ANTXR1: variants seen among roughly 807,000 people sequenced by gnomAD.
ANTXR1 encodes the protein anthrax toxin receptor 1.
ANTXR1 carries 19 observed loss-of-function variants against 78.1 expected under a neutral mutation model. That is an observed-to-expected ratio of 0.24 (90% confidence interval 0.17 to 0.36). The LOEUF (loss-of-function observed/expected upper bound fraction) is 0.36. ANTXR1 is among the 10% of genes least tolerant of loss of function. The pLI is 1.00. For synonymous variants in ANTXR1, 273 were observed against 260.5 expected (o/e 1.05, Z -0.46); for missense variants, 518 against 718.6 (o/e 0.72, Z 3.19).
At position 69,198,342 on chromosome 2, in the gene ANTXR1, C is replaced by T. The variant is rs1045721703; in HGVS notation, c.1434+4927C>T. Among the ~76,000 whole-genome samples the T allele has an allele frequency of 5.9e-5, 9 of 152,140 alleles. No individual in the cohort carries two copies. The South Asian group carries it at 8.3e-4, about 14-fold the overall frequency. On this transcript the variant is annotated intron_variant, in intron 17 of 17. Transcript: ENST00000303714. ...ATTTTTTATTATTACTGAGGTAGAA[C>T]GATTTTTTTAATGTTTATTTTCTCG...
chr2:69,231,780 A>G (rs945205092), intron 17 of ANTXR1, among the ~76,000 whole-genome samples: 22 of 152,160 alleles, frequency 1.4e-4, no homozygotes, highest in African/African-American at 5.3e-4. Flanking sequence ...AGGATTTCTT[A>G]CATGGAGGCT....
At chr2:69,045,706 GTCCCTATTTTT>G (rs1477450586) in intron 3 of ANTXR1, among the ~76,000 whole-genome samples, 1 of 152,132 alleles carries the variant, frequency 6.6e-6, no homozygotes, top group Non-Finnish European at 1.5e-5. Context: ...ACTTGAGCTA[GTCCCTATTTTT>G]TTTCCCATGA....
intron 12 of ANTXR1, among the ~76,000 whole-genome samples, chr2:69,148,130 C>T (rs1673278452): frequency 6.6e-6 from 1 of 152,170 alleles, no homozygotes. Flanking sequence ...GATCACGATG[C>T]CCCAGTGTCA....
chr2:69,087,822 A>G lies in ANTXR1; in HGVS notation c.643-3037A>G, dbSNP rs191362044. Among the ~76,000 whole-genome samples, 101 of 152,234 alleles carry G rather than the reference A, an allele frequency of 6.6e-4. No homozygotes were observed. In the East Asian group the frequency reaches 9.8e-3, roughly 15 times the overall value. On this transcript the variant is annotated intron_variant, in intron 8 of 17. Transcript: ENST00000303714. ...TCCCTGAGCTGATCTGCTGTCTGCTACAGTTCAGACAGGCTGATTACCATA... is the reference window on the plus strand; with the variant it reads ...TCCCTGAGCTGATCTGCTGTCTGCTGCAGTTCAGACAGGCTGATTACCATA...
chr2:69,099,594 C>T (rs1671544927), intron 9 of ANTXR1, among the ~76,000 whole-genome samples: 1 of 152,208 alleles, frequency 6.6e-6, no homozygotes, highest in African/African-American at 2.4e-5. Flanking sequence ...TCTTCACCAG[C>T]AGATGCCATT....
chr2:69,068,748 C>G (rs1279806226), intron 3 of ANTXR1, among the ~76,000 whole-genome samples: 2 of 152,078 alleles, frequency 1.3e-5, no homozygotes, highest in Non-Finnish European at 2.9e-5. Flanking sequence ...TTCTTGCAGC[C>G]TTATGGAGAA....
chr2:69,168,768 A>G (rs969446638), intron 13 of ANTXR1, among the ~76,000 whole-genome samples: 2 of 152,336 alleles, frequency 1.3e-5, no homozygotes, highest in South Asian at 4.1e-4. Context: ...AGGAACTCTG[A>G]GCCAGGGTTG....
intron 1 of ANTXR1, among the ~76,000 whole-genome samples, chr2:69,021,326 AAAT>A (rs1435013769): frequency 3.3e-5 from 5 of 152,236 alleles, no homozygotes; most frequent in Admixed American, 6.5e-5. Flanking sequence ...AAAAGAATCT[AAAT>A]ATGCAAAAGA....
At chr2:69,118,633 C>T (rs1161629366) in intron 10 of ANTXR1, among the ~76,000 whole-genome samples, 2 of 152,142 alleles carry the variant, frequency 1.3e-5, no homozygotes, top group African/African-American at 4.8e-5. Context: ...CAGCAGGGGC[C>T]TCGGCTGTCC....
At chr2:69,154,737 C>T (rs965800927) in intron 13 of ANTXR1, among the ~76,000 whole-genome samples, 4 of 152,218 alleles carry the variant, frequency 2.6e-5, no homozygotes, top group Non-Finnish European at 5.9e-5. Flanking sequence ...ACCTAAAAAA[C>T]GTGGGGTACG....
In ANTXR1 at chr2:69,248,080, T is replaced by G. The variant is rs985532445; in HGVS notation, c.*2595T>G. ...TAGTGGGCTATTACAGGCAGGAAAATGTTTTAACTGGTTTACAAAATCCAT... is the reference window on the plus strand; with the variant it reads ...TAGTGGGCTATTACAGGCAGGAAAAGGTTTTAACTGGTTTACAAAATCCAT... On this transcript the variant is annotated 3_prime_UTR_variant, in exon 18 of 18. Coordinates refer to ENST00000303714, the MANE Select transcript of ANTXR1 (RefSeq NM_032208.3). 6.0e-6 allele frequency: 1 copy of G among 166,882 alleles called. No individual in the cohort carries two copies. Among genetic ancestry groups the G allele is most frequent in the African/African-American group, 2.4e-5 (1 of 41,434 alleles). The allele number at this position is 166,882 out of a possible 1,614,324, so 10.3% of individuals were successfully genotyped here. A position where few individuals can be genotyped will look rare whatever the true frequency, so the allele number is the denominator to read the frequency against.
At chr2:69,169,562 T>G (rs74936289) in intron 13 of ANTXR1, among the ~76,000 whole-genome samples, 1 of 152,228 alleles carries the variant, frequency 6.6e-6, no homozygotes, top group Non-Finnish European at 1.5e-5. Flanking sequence ...TTAGACTGTC[T>G]CCCAATTACT....
chr2:69,149,224 C>T (rs574056012), intron 12 of ANTXR1, among the ~76,000 whole-genome samples: 1 of 152,228 alleles, frequency 6.6e-6, no homozygotes, highest in African/African-American at 2.4e-5. Context: ...CTGCACCTCT[C>T]CCCTTCCTGA....
rs567131021 is a variant in ANTXR1, at chr2:69,124,830, T to C, written c.951+187T>C. Reference sequence around the variant, plus strand: ...GATTGGGGTGTGCTGTACCCCAGAGTGTATCAGGCATGTCTGTGTTAAGTT... The same window carrying C: ...GATTGGGGTGTGCTGTACCCCAGAGCGTATCAGGCATGTCTGTGTTAAGTT... On this transcript the variant is annotated intron_variant, in intron 12 of 17. Coordinates refer to ENST00000303714, the MANE Select transcript of ANTXR1 (RefSeq NM_032208.3). 6.6e-5 allele frequency among the ~76,000 whole-genome samples: 10 copies of C among 152,144 alleles called. No individual in the cohort carries two copies. In the South Asian group the frequency reaches 1.4e-3, roughly 22 times the overall value.
At chr2:69,192,020 A>C (rs1002514684) in intron 16 of ANTXR1, among the ~76,000 whole-genome samples, 3 of 152,186 alleles carry the variant, frequency 2.0e-5, no homozygotes, top group African/African-American at 7.2e-5. Flanking sequence ...TATATTGAGC[A>C]CCAGATGTTG....
chr2:69,087,137 A>G (rs775252688), intron 8 of ANTXR1, among the ~76,000 whole-genome samples: 2 of 152,230 alleles, frequency 1.3e-5, no homozygotes, highest in Non-Finnish European at 2.9e-5. Flanking sequence ...CCACATGGCC[A>G]GTAAGTGATG....
At chr2:69,039,949 G>A (rs775791395) in intron 1 of ANTXR1, 95 bp from the exon 2 acceptor site, 23 of 1,020,114 alleles carry the variant, frequency 2.3e-5, no homozygotes, top group African/African-American at 3.2e-5. Context: ...TTATTGGAGA[G>A]GTCAAATGTA....
At chr2:69,203,679 C>T (rs957959317) in intron 17 of ANTXR1, among the ~76,000 whole-genome samples, 1 of 152,044 alleles carries the variant, frequency 6.6e-6, no homozygotes, top group East Asian at 1.9e-4. Context: ...TTCCAATCCT[C>T]ACAATCTGAT....
intron 10 of ANTXR1, among the ~76,000 whole-genome samples, chr2:69,107,219 A>G (rs1056294281): frequency 1.3e-5 from 2 of 152,120 alleles, no homozygotes; most frequent in Non-Finnish European, 2.9e-5. Flanking sequence ...TCCAGAGGAA[A>G]GATATAAAGA....
Sources: allele counts gnomAD v4.1 joint callset (sites outside exome capture counted in the v4.1 genomes callset), GRCh38; gene constraint gnomAD v4.1.1; transcripts MANE v1.5; gene names NCBI Gene and HGNC (gene_info 2026-07-23, HGNC 2026-07-21).